The following TENT2 variants were observed in gnomAD, a reference collection of about 807,000 sequenced individuals.
The protein encoded by TENT2 is poly(A) RNA polymerase GLD2.
Under a neutral mutation model 72.2 loss-of-function variants are expected in TENT2, and 44 were observed. The observed-to-expected ratio is 0.61, with a 90% confidence interval of 0.48 to 0.78. The LOEUF is 0.78. Among genes scored for constraint, TENT2 ranks in the 30% least tolerant of loss-of-function variants. The pLI is 0.00. For synonymous variants in TENT2, 212 were observed against 192.5 expected, an observed-to-expected ratio of 1.10 and a Z score of -0.84; for missense variants, 541 against 569.6, an observed-to-expected ratio of 0.95 and a Z score of 0.51.
At chr5:79,614,502 A>C (rs1477531246) in intron 1 of TENT2, among the ~76,000 whole-genome samples, 1 of 152,232 alleles carries the variant, frequency 6.6e-6, no homozygotes, top group Non-Finnish European at 1.5e-5. Context: ...CTCCGTAAAG[A>C]AAGTACCAGT....
intron 9 of TENT2, 36 bp downstream of exon 9, chr5:79,648,729 T>C: frequency 6.9e-7 from 1 of 1,440,618 alleles, no homozygotes; most frequent in Non-Finnish European, 9.6e-7. Flanking sequence ...AATTAGCCTT[T>C]TTTTCTTTAT....
At chr5:79,659,335 C>T (rs1238413690) in intron 11 of TENT2, among the ~76,000 whole-genome samples, 4 of 150,922 alleles carry the variant, frequency 2.7e-5, no homozygotes, top group African/African-American at 9.7e-5. Context: ...GAGTTAAAGA[C>T]CAGCCTGGCC....
At chr5:79,668,833 A>C in intron 11 of TENT2, 59 bp from the exon 12 acceptor site, 1 of 1,507,092 alleles carries the variant, frequency 6.6e-7, no homozygotes, top group Admixed American at 2.1e-5. Flanking sequence ...GGATTTATAA[A>C]GTTTCTTAGT....
chr5:79,667,956 A>T (rs1391498238), intron 11 of TENT2, among the ~76,000 whole-genome samples: 2 of 151,784 alleles, frequency 1.3e-5, no homozygotes, highest in African/African-American at 2.4e-5. Context: ...AACGAAAAAA[A>T]AAAATCCATT....
rs554579851 is a variant in TENT2 at position 79,633,650 on chromosome 5, A to G, written c.466-7201A>G. Among the ~76,000 whole-genome samples the G allele has an allele frequency of 6.6e-4, 99 of 150,512 alleles. 1 individual carries two copies. The highest frequency in any genetic ancestry group is 6.2e-4 in the Non-Finnish European group (42 of 67,718). On this transcript the variant is annotated intron_variant, in intron 4 of 14. Coordinates refer to ENST00000453514, the MANE Select transcript of TENT2 (RefSeq NM_001114394.3). ...AGGCTGGTCTCGAACTGCCAACCTC[A>G]GGTGATCCACCCACCTTAGTCTCCC...
chr5:79,683,259 G>A (rs992855930), intron 14 of TENT2, among the ~76,000 whole-genome samples: 1 of 151,942 alleles, frequency 6.6e-6, no homozygotes, highest in African/African-American at 2.4e-5. Flanking sequence ...TTTAAGACCA[G>A]CCTGGGCAAC....
chr5:79,659,612 A>G (rs557156112), intron 11 of TENT2, among the ~76,000 whole-genome samples: 28 of 120,008 alleles, frequency 2.3e-4, no homozygotes, highest in Non-Finnish European at 4.6e-4. Flanking sequence ...TCGTTTATTT[A>G]GTATCCATTA....
intron 4 of TENT2, among the ~76,000 whole-genome samples, chr5:79,626,190 C>T (rs1048747227): frequency 1.3e-5 from 2 of 151,980 alleles, no homozygotes; most frequent in African/African-American, 2.4e-5. Flanking sequence ...GGCTGGAATG[C>T]ATTGGTGGGA....
Position 79,619,804 on chromosome 5 carries a change from T to C in TENT2, c.137+19T>C. ...ATGCAGAGTGAGTATGGTGATATTT[T>C]GGCCCATGTTGTTGGTAAATTTCAT... On this transcript the variant is annotated intron_variant, in intron 2 of 14. Coordinates refer to ENST00000453514, the MANE Select transcript of TENT2 (RefSeq NM_001114394.3). 1.3e-6 allele frequency: 2 copies of C among 1,596,564 alleles called. No individual in the cohort carries two copies.
chr5:79,654,659 G>A (rs947400449), intron 10 of TENT2, among the ~76,000 whole-genome samples: 2 of 151,974 alleles, frequency 1.3e-5, no homozygotes, highest in African/African-American at 4.8e-5. Flanking sequence ...AGCTAGTGGG[G>A]TGGCTGAGGC....
rs375195555 is a variant in TENT2, at chr5:79,651,395, CA to C, written c.1027+2215del. Among the ~76,000 whole-genome samples, 672 of 143,108 alleles carry C rather than the reference CA, an allele frequency of 4.7e-3. 5 individuals carry two copies. The highest frequency in any genetic ancestry group is 0.015 in the African/African-American group (582 of 39,274). The allele number at this position is 143,108 out of a possible 152,430, so 93.9% of individuals were successfully genotyped here. On this transcript the variant is annotated intron_variant, in intron 10 of 14. Coordinates refer to ENST00000453514, the MANE Select transcript of TENT2 (RefSeq NM_001114394.3). ...TTTAGATTTCAAGGAAAGTAATATC[CA>C]AAAAAAAAAGAACCAAACTGGAGTT...
intron 10 of TENT2, among the ~76,000 whole-genome samples, chr5:79,653,457 C>T (rs1795662712): frequency 6.6e-6 from 1 of 152,186 alleles, no homozygotes; most frequent in Non-Finnish European, 1.5e-5. Context: ...TATGCCACTG[C>T]ATTTCAGCCT....
intron 4 of TENT2, among the ~76,000 whole-genome samples, chr5:79,637,225 G>A (rs565914426): frequency 2.4e-4 from 30 of 126,968 alleles, no homozygotes; most frequent in African/African-American, 9.7e-4. Context: ...GTGAGACCAT[G>A]TATCAAAAAA....
chr5:79,649,574 T>G (rs1792033578), intron 10 of TENT2, among the ~76,000 whole-genome samples: 1 of 152,138 alleles, frequency 6.6e-6, no homozygotes, highest in Non-Finnish European at 1.5e-5. Context: ...ATTTTCCTGT[T>G]GGTTAAAGAA....
chr5:79,660,979 C>T (rs759003898), intron 11 of TENT2, among the ~76,000 whole-genome samples: 1 of 146,478 alleles, frequency 6.8e-6, no homozygotes, highest in Non-Finnish European at 1.5e-5. Flanking sequence ...TTGTTTTTAA[C>T]AAAAAAGTTT....
At chr5:79,625,718 TG>T (rs1769032693) in intron 4 of TENT2, among the ~76,000 whole-genome samples, 2 of 152,204 alleles carry the variant, frequency 1.3e-5, no homozygotes, top group African/African-American at 4.8e-5. Context: ...TTTTCTCCTC[TG>T]TAATTTTTTT....
In TENT2 at chr5:79,619,745, C is replaced by G; in HGVS notation, c.97C>G (p.Gln33Glu). The G allele has an allele frequency of 6.2e-7, 1 of 1,613,806 alleles. No homozygotes were observed. Among genetic ancestry groups the G allele is most frequent in the Non-Finnish European group, 8.5e-7 (1 of 1,179,814 alleles). ...CCTGTCACCTACTGTTTATTCACAC[C>G]AGCAGCTTATAGATGCACAATTCAA... Reference protein sequence around the residue: ...FTLSPTVYSHQQLIDAQFNFQ... With the variant: ...FTLSPTVYSHEQLIDAQFNFQ... Residue 33 changes from glutamine to glutamate, a missense_variant, in exon 2 of 15, where the codon CAG (glutamine) becomes GAG (glutamate). Transcript: ENST00000453514.
chr5:79,684,356 C>T (rs1824916699), intron 14 of TENT2, among the ~76,000 whole-genome samples: 1 of 152,172 alleles, frequency 6.6e-6, no homozygotes, highest in South Asian at 2.1e-4. Flanking sequence ...CTCCTGCGCT[C>T]AATGATCCTC....
intron 10 of TENT2, among the ~76,000 whole-genome samples, chr5:79,655,931 C>T (rs767382731): frequency 3.3e-5 from 5 of 151,662 alleles, no homozygotes; most frequent in East Asian, 1.9e-4. Context: ...AGTTGGAGAC[C>T]GTGTAAGTTG....
Sources: allele counts gnomAD v4.1 joint callset (sites outside exome capture counted in the v4.1 genomes callset), GRCh38; gene constraint gnomAD v4.1.1; transcripts MANE v1.5; gene names NCBI Gene and HGNC (gene_info 2026-07-23, HGNC 2026-07-21).